Variants in KHDRBS2 observed in about 807,000 individuals in gnomAD.
The protein encoded by KHDRBS2 is KH RNA binding domain containing, signal transduction associated 2.
KHDRBS2 carries 26 observed loss-of-function variants against 44.3 expected under a neutral mutation model. The observed-to-expected ratio is 0.59, with a 90% CI of 0.43 to 0.81. KHDRBS2 has a LOEUF of 0.81. Ranked by LOEUF, KHDRBS2 falls within the 40% of genes least tolerant of loss-of-function variation. The probability of loss-of-function intolerance (pLI) is 0.00; values close to 1 mark genes in which losing one functional copy is unlikely to be tolerated. For missense variants in KHDRBS2, 476 were observed against 433.1 expected, an observed-to-expected ratio of 1.10 and a Z score of -0.88; for synonymous variants, 194 against 151.1, an observed-to-expected ratio of 1.28 and a Z score of -2.08.
chr6:62,177,298 G>T lies in KHDRBS2; in HGVS notation c.106C>A (p.Gln36Lys), dbSNP rs1238217921. Reference protein sequence around the residue: ...RLLAEEIEKFQGSDGKKEDEE... With the variant: ...RLLAEEIEKFKGSDGKKEDEE... ...TCTTCCTTTTTTCCATCAGAACCTT[G>T]AAACTTTTCAATTTCTGGAAGAAAA... The change falls in exon 2 of 9, where the codon CAA becomes AAA. Residue 36 changes from glutamine to lysine, a missense_variant. Gln to Lys is a moderately conservative substitution (Grantham distance 53). Transcript: ENST00000281156. 1 of 1,593,766 alleles carries T rather than the reference G, an allele frequency of 6.3e-7. No homozygotes were observed. Among genetic ancestry groups the T allele is most frequent in the Non-Finnish European group, 8.6e-7 (1 of 1,167,374 alleles).
rs1425839225 is a variant in KHDRBS2 at position 61,993,673 on chromosome 6, A to ATATATTTT, written c.337-15462_337-15461insAAAATATA. ...ATCATATATATATATATATATATATATTTTTTTTTTTTGATGTGAGCTTAT... is the reference window on the plus strand; with the variant it reads ...ATCATATATATATATATATATATATATATATTTTTTTTTTTTTTTTGATGTGAGCTTAT... On this transcript the variant is annotated intron_variant, in intron 3 of 8. Coordinates refer to ENST00000281156, the MANE Select transcript of KHDRBS2 (RefSeq NM_152688.4). Among the ~76,000 whole-genome samples the ATATATTTT allele has an allele frequency of 1.8e-4, 21 of 115,676 alleles. 1 individual carries two copies. The highest frequency in any genetic ancestry group is 6.5e-4 in the African/African-American group (20 of 30,972). The allele number at this position is 115,676 out of a possible 152,430, so 75.9% of individuals were successfully genotyped here.
intron 3 of KHDRBS2, among the ~76,000 whole-genome samples, chr6:62,042,615 G>T (rs1249662357): frequency 1.3e-5 from 2 of 152,080 alleles, no homozygotes; most frequent in African/African-American, 2.4e-5. Context: ...GTTAGGCAGA[G>T]CCCAGAAGCC....
chr6:61,574,995 G>A, the KHDRBS2 span, among the ~76,000 whole-genome samples: 1 of 152,080 alleles, frequency 6.6e-6, no homozygotes, highest in Non-Finnish European at 1.5e-5. Context: ...TTTAAGATCT[G>A]AAACTATAAA....
chr6:61,665,104 A>G, the KHDRBS2 span, among the ~76,000 whole-genome samples: 2 of 151,574 alleles, frequency 1.3e-5, no homozygotes, highest in African/African-American at 4.8e-5. Flanking sequence ...TATGCATTTC[A>G]TAAAGGAGTT....
At chr6:62,023,086 C>T (rs574980124) in intron 3 of KHDRBS2, among the ~76,000 whole-genome samples, 87 of 151,680 alleles carry the variant, frequency 5.7e-4, no homozygotes, top group African/African-American at 2.0e-3. Flanking sequence ...AACGCAATAC[C>T]TTAAAAAACA....
chr6:62,218,866 G>A (rs1585257064), intron 1 of KHDRBS2, among the ~76,000 whole-genome samples: 1 of 151,910 alleles, frequency 6.6e-6, no homozygotes, highest in African/African-American at 2.4e-5. Flanking sequence ...GTCTTTTGCA[G>A]TAACATAAAT....
At chr6:62,033,794 A>G (rs577301874) in intron 3 of KHDRBS2, among the ~76,000 whole-genome samples, 1 of 151,742 alleles carries the variant, frequency 6.6e-6, no homozygotes, top group East Asian at 1.9e-4. Flanking sequence ...AGAGAGCAGA[A>G]ATAATTTAAA....
At chr6:62,146,193 C>T (rs941542147) in intron 2 of KHDRBS2, among the ~76,000 whole-genome samples, 3 of 151,784 alleles carry the variant, frequency 2.0e-5, no homozygotes, top group Admixed American at 6.6e-5. Flanking sequence ...CTGGCTACTA[C>T]CCTCAGAGTA....
chr6:62,277,485 G>T (rs1841131525), intron 1 of KHDRBS2, among the ~76,000 whole-genome samples: 1 of 152,074 alleles, frequency 6.6e-6, no homozygotes. Flanking sequence ...GGGACTACAG[G>T]CGCCCGCCAC....
chr6:61,850,370 GA>G lies in KHDRBS2; in HGVS notation c.810+44264del, dbSNP rs914934284. 1.5e-4 allele frequency among the ~76,000 whole-genome samples: 23 copies of G among 149,716 alleles called. 1 individual carries two copies. Among genetic ancestry groups the G allele is most frequent in the Middle Eastern group, 3.2e-3 (1 of 314 alleles). The stretch of plus-strand genomic sequence containing the variant: ...CTAATTGTAGATGCCTAGTGCTTGG[GA>G]AAAAAAAATAGTCATTTTTATTGTA... On this transcript the variant is annotated intron_variant, in intron 6 of 8. Coordinates refer to ENST00000281156, the MANE Select transcript of KHDRBS2 (RefSeq NM_152688.4).
At chr6:61,734,065 A>G (rs1422843007) in intron 6 of KHDRBS2, among the ~76,000 whole-genome samples, 1 of 152,204 alleles carries the variant, frequency 6.6e-6, no homozygotes, top group African/African-American at 2.4e-5. Context: ...CATTTAATGA[A>G]AAGACTAATA....
chr6:61,914,001 C>T (rs994775849), intron 4 of KHDRBS2, among the ~76,000 whole-genome samples: 2 of 151,886 alleles, frequency 1.3e-5, no homozygotes, highest in Non-Finnish European at 2.9e-5. Flanking sequence ...TAACAGAAGG[C>T]CTAAGGAATA....
the KHDRBS2 span, among the ~76,000 whole-genome samples, chr6:61,656,144 T>G: frequency 6.6e-6 from 1 of 152,034 alleles, no homozygotes; most frequent in African/African-American, 2.4e-5. Context: ...TTTACAAAAC[T>G]TGTGGAAATT....
intron 6 of KHDRBS2, among the ~76,000 whole-genome samples, chr6:61,864,811 C>T (rs1797550100): frequency 6.6e-6 from 1 of 152,176 alleles, no homozygotes; most frequent in Admixed American, 6.5e-5. Flanking sequence ...GCTGTCCTGT[C>T]TAGCCAGTTT....
At chr6:61,854,806 C>A (rs1795925272) in intron 6 of KHDRBS2, among the ~76,000 whole-genome samples, 1 of 152,046 alleles carries the variant, frequency 6.6e-6, no homozygotes, top group South Asian at 2.1e-4. Context: ...ATACATTCAC[C>A]AAGTCTTTGA....
intron 4 of KHDRBS2, among the ~76,000 whole-genome samples, chr6:61,976,496 T>A (rs1367878721): frequency 1.3e-5 from 2 of 152,152 alleles, no homozygotes; most frequent in Non-Finnish European, 2.9e-5. Flanking sequence ...TAGATATACA[T>A]ATCAATTAAT....
At chr6:62,061,055 GC>G (rs1271201241) in intron 2 of KHDRBS2, among the ~76,000 whole-genome samples, 7 of 151,754 alleles carry the variant, frequency 4.6e-5, no homozygotes, top group Admixed American at 1.3e-4. Flanking sequence ...TTTATTTTGA[GC>G]CTATGTGTGT....
chr6:61,955,031 T>TGTATGTATAC (rs1292755117), intron 4 of KHDRBS2, among the ~76,000 whole-genome samples: 170 of 140,714 alleles, frequency 1.2e-3, no homozygotes, highest in Non-Finnish European at 1.9e-3. Flanking sequence ...CATACATATA[T>TGTATGTATAC]ACATACATGT....
At chr6:61,749,074 A>G (rs1333654628) in intron 6 of KHDRBS2, among the ~76,000 whole-genome samples, 2 of 128,216 alleles carry the variant, frequency 1.6e-5, no homozygotes, top group South Asian at 2.3e-4. Context: ...GTGCAGTGGC[A>G]CAATCTCGGC....
Sources: allele counts gnomAD v4.1 joint callset (sites outside exome capture counted in the v4.1 genomes callset), GRCh38; gene constraint gnomAD v4.1.1; transcripts MANE v1.5; gene names NCBI Gene and HGNC (gene_info 2026-07-23, HGNC 2026-07-21).